The following SPTLC2 variants were observed in gnomAD, a reference collection of about 807,000 sequenced individuals.
SPTLC2 encodes the protein serine palmitoyltransferase 2.
Under a neutral mutation model 62.0 loss-of-function variants are expected in SPTLC2, and 21 were observed. The observed-to-expected ratio is 0.34, with a 90% confidence interval of 0.24 to 0.49. The LOEUF (loss-of-function observed/expected upper bound fraction) is 0.49, where lower values mean the gene tolerates loss of function less well. Among genes scored for constraint, SPTLC2 ranks in the 20% least tolerant of loss-of-function variants. The pLI, the probability that SPTLC2 is intolerant of heterozygous loss-of-function variation, is 0.99. For missense variants in SPTLC2, 511 were observed against 713.0 expected (o/e 0.72, Z 3.23); for synonymous variants, 261 against 261.8 (o/e 1.00, Z 0.03).
intron 9 of SPTLC2, among the ~76,000 whole-genome samples, chr14:77,545,300 CTT>C (rs2079522172): frequency 1.3e-5 from 2 of 150,168 alleles, no homozygotes; most frequent in South Asian, 2.1e-4. Flanking sequence ...GAGTTTCACT[CTT>C]GTCTCCCAGG....
At chr14:77,596,555 G>T (rs1156873841) in intron 2 of SPTLC2, among the ~76,000 whole-genome samples, 3 of 152,026 alleles carry the variant, frequency 2.0e-5, no homozygotes, top group African/African-American at 4.8e-5. Context: ...AGGTACAAAG[G>T]AACATGCAGA....
intron 1 of SPTLC2, among the ~76,000 whole-genome samples, chr14:77,598,420 C>G (rs994184767): frequency 2.6e-5 from 4 of 152,032 alleles, no homozygotes; most frequent in East Asian, 1.9e-4. Flanking sequence ...CTATATTGGC[C>G]TACAGATGAA....
At chr14:77,527,748 GT>G (rs10711147) in intron 9 of SPTLC2, among the ~76,000 whole-genome samples, 127,386 of 151,230 alleles carry the variant, frequency 0.84, 53,771 homozygotes, top group East Asian at 0.93. Flanking sequence ...TTTTTTTTTT[GT>G]TTTTTTGAAA....
At position 77,518,160 on chromosome 14, in the gene SPTLC2, C is replaced by A. The variant is rs756812919; in HGVS notation, c.1447G>T (p.Gly483Ter). The part of the protein sequence containing the change: ...LYMPAKIGAF[G>*]REMLKRNIGV... The stretch of plus-strand genomic sequence containing the variant: ...ATGTTCCGCTTCAGCATCTCCCGTC[C>A]AAAGGCGCTGCAAAGGGGAAAACAA... The change falls in exon 11 of 12, where the codon GGA (glycine) becomes TGA (stop). Residue 483 changes from glycine to a stop codon, truncating the protein, a stop_gained. Transcript: ENST00000216484. LOFTEE classifies it high-confidence loss of function. The A allele has an allele frequency of 3.7e-6, 6 of 1,613,968 alleles. No individual in the cohort carries two copies. Among genetic ancestry groups the A allele is most frequent in the Non-Finnish European group, 5.1e-6 (6 of 1,180,024 alleles).
intron 1 of SPTLC2, among the ~76,000 whole-genome samples, chr14:77,602,240 T>A (rs190984601): frequency 1.3e-5 from 2 of 152,324 alleles, no homozygotes; most frequent in East Asian, 3.9e-4. Flanking sequence ...ACATTCGCAT[T>A]TCCACCTGCC....
At chr14:77,553,781 A>G (rs2079568136) in intron 8 of SPTLC2, among the ~76,000 whole-genome samples, 1 of 151,730 alleles carries the variant, frequency 6.6e-6, no homozygotes, top group African/African-American at 2.4e-5. Context: ...GTCACTGAAA[A>G]TGAGTTCTCT....
chr14:77,533,439 G>A (rs903465735), intron 9 of SPTLC2, among the ~76,000 whole-genome samples: 5 of 152,004 alleles, frequency 3.3e-5, no homozygotes, highest in African/African-American at 1.2e-4. Context: ...AAGCAAATAC[G>A]GTAATATTGA....
chr14:77,526,249 G>A (rs1427277856), intron 9 of SPTLC2, among the ~76,000 whole-genome samples: 2 of 152,102 alleles, frequency 1.3e-5, no homozygotes, highest in Non-Finnish European at 2.9e-5. Context: ...GCTATTTAAC[G>A]CCAGTGTAGT....
chr14:77,589,789 CCACA>C (rs10627978), intron 2 of SPTLC2, among the ~76,000 whole-genome samples: 15 of 146,314 alleles, frequency 1.0e-4, no homozygotes, highest in Middle Eastern at 3.5e-3. Context: ...GAGTCCGTCT[CCACA>C]CACACACACA....
At chr14:77,612,939 A>G (rs148935252) in intron 1 of SPTLC2, among the ~76,000 whole-genome samples, 12 of 152,200 alleles carry the variant, frequency 7.9e-5, no homozygotes, top group African/African-American at 2.9e-4. Context: ...TCAAAGGTAG[A>G]TAACTTTTTT....
intron 1 of SPTLC2, among the ~76,000 whole-genome samples, chr14:77,607,874 C>T (rs2079913182): frequency 6.6e-6 from 1 of 152,192 alleles, no homozygotes. Context: ...CCCTTTAGCA[C>T]AACCTGCAGA....
At chr14:77,556,495 T>G (rs554663785) in intron 7 of SPTLC2, among the ~76,000 whole-genome samples, 1 of 125,144 alleles carries the variant, frequency 8.0e-6, no homozygotes, top group Non-Finnish European at 1.9e-5. Context: ...ACAAAAAAAA[T>G]TAGGTGGTAA....
rs1397782318 is a variant in SPTLC2, at chr14:77,583,238, T to TAAATAAAA, written c.328-4130_328-4129insTTTTATTT. Among the ~76,000 whole-genome samples the TAAATAAAA allele has an allele frequency of 1.0e-3, 144 of 140,330 alleles. 2 individuals are homozygous for TAAATAAAA. Among genetic ancestry groups the TAAATAAAA allele is most frequent in the Admixed American group, 4.6e-3 (64 of 13,862 alleles). The allele number at this position is 140,330 out of a possible 152,430, so 92.1% of individuals were successfully genotyped here. A position where few individuals can be genotyped will look rare whatever the true frequency, so the allele number is the denominator to read the frequency against. On this transcript the variant is annotated intron_variant, in intron 2 of 11. Transcript: ENST00000216484. Reference sequence around the variant, plus strand: ...ATAAATAAATAAATAAATAAATAAATAAAAATAATAATTTTAAAAAAGATG... The same window carrying TAAATAAAA: ...ATAAATAAATAAATAAATAAATAAATAAATAAAAAAAAATAATAATTTTAAAAAAGATG...
rs188575602 is a variant in SPTLC2 at position 77,549,068 on chromosome 14, A to G, written c.1303+3028T>C. Among the ~76,000 whole-genome samples the G allele has an allele frequency of 2.3e-4, 35 of 152,246 alleles. 2 individuals are homozygous for G. The East Asian group carries it at 5.6e-3, about 24-fold the overall frequency. ...ATCTCAGGATGGAATGTGATCCCCA[A>G]TGACGGAGGTAGGGCCTGGTGGGAG... On this transcript the variant is annotated intron_variant, in intron 9 of 11. Transcript: ENST00000216484.
In SPTLC2 at chr14:77,576,821, C is replaced by A. The variant is rs746709961; in HGVS notation, c.577G>T (p.Ala193Ser). Residue 193 changes from alanine to serine, a missense_variant, in exon 4 of 12, where the codon GCC (alanine) becomes TCC (serine). Physicochemically the swap from Ala to Ser is moderately conservative, Grantham distance 99 (BLOSUM62 1). Transcript: ENST00000216484. ...RNTGSCQEAA[A>S]KVLEEYGAGV... ...GCTCCATACTCCTCAAGGACTTTGG[C>A]GGCTGCTTCTTGACATGATCCAGTA... is the stretch of plus-strand genomic sequence containing the variant. 11 of 1,614,052 alleles carry A rather than the reference C, an allele frequency of 6.8e-6. No homozygotes were observed. Among genetic ancestry groups the A allele is most frequent in the Non-Finnish European group, 9.3e-6 (11 of 1,180,038 alleles).
intron 6 of SPTLC2, among the ~76,000 whole-genome samples, chr14:77,560,065 T>A (rs149535324): frequency 1.0e-3 from 158 of 152,328 alleles, no homozygotes; most frequent in African/African-American, 3.6e-3. Context: ...AGTTGTTCTA[T>A]ATCTAATAAG....
chr14:77,602,996 T>A (rs1222241596), intron 1 of SPTLC2, among the ~76,000 whole-genome samples: 1 of 152,162 alleles, frequency 6.6e-6, no homozygotes, highest in Non-Finnish European at 1.5e-5. Flanking sequence ...TTAAAAATAA[T>A]TAAAATAAAA....
At chr14:77,560,605 A>G (rs1396726620) in intron 6 of SPTLC2, among the ~76,000 whole-genome samples, 1 of 140,544 alleles carries the variant, frequency 7.1e-6, no homozygotes, top group Non-Finnish European at 1.5e-5. Flanking sequence ...ACAGAGCAAG[A>G]CTCTGTCTCA....
rs1234313791 is a variant in SPTLC2 at position 77,562,319 on chromosome 14, T to C, written c.850+77A>G. On this transcript the variant is annotated intron_variant, in intron 6 of 11. Transcript: ENST00000216484. ...TCATTTATACTTTCAAGTGCTAATA[T>C]AACTAATGTTAACTCCCACCATGGA... 1.7e-5 allele frequency: 21 copies of C among 1,215,560 alleles called. No homozygotes were observed. The East Asian group carries it at 4.4e-4, about 26-fold the overall frequency. The allele number at this position is 1,215,560 out of a possible 1,614,324, so 75.3% of individuals were successfully genotyped here.
Sources: allele counts gnomAD v4.1 joint callset (sites outside exome capture counted in the v4.1 genomes callset), GRCh38; gene constraint gnomAD v4.1.1; transcripts MANE v1.5; gene names NCBI Gene and HGNC (gene_info 2026-07-23, HGNC 2026-07-21).